HCN1: variants seen among roughly 807,000 people sequenced by gnomAD.
The protein encoded by HCN1 is hyperpolarization activated cyclic nucleotide gated potassium channel 1.
HCN1 carries 13 observed loss-of-function variants against 78.9 expected under a neutral mutation model. The ratio of observed to expected loss-of-function variants is 0.16; its 90% CI spans 0.11 to 0.26. HCN1 has a LOEUF of 0.26. Ranked by LOEUF, HCN1 falls within the 10% of genes least tolerant of loss-of-function variation. HCN1 has a pLI of 1.00. For missense variants in HCN1, 810 were observed against 1,154.3 expected, an observed-to-expected ratio of 0.70 and a Z score of 4.32; for synonymous variants, 552 against 455.5, an observed-to-expected ratio of 1.21 and a Z score of -2.70.
chr5:45,527,534 C>A (rs1043865724), intron 2 of HCN1, among the ~76,000 whole-genome samples: 2 of 151,568 alleles, frequency 1.3e-5, no homozygotes, highest in Admixed American at 6.6e-5. Context: ...CATTCTCATT[C>A]TCTCTCTCTT....
In HCN1 at chr5:45,690,910, C is replaced by A. The variant is rs189800451; in HGVS notation, c.425+4759G>T. 2.2e-4 allele frequency among the ~76,000 whole-genome samples: 34 copies of A among 152,006 alleles called. 1 individual carries two copies. In the East Asian group the frequency reaches 6.2e-3, roughly 28 times the overall value. On this transcript the variant is annotated intron_variant, in intron 1 of 7. Coordinates refer to ENST00000303230, the MANE Select transcript of HCN1 (RefSeq NM_021072.4). Reference sequence around the variant, plus strand: ...CTTTTCCGGAGCCCAATTGTTGTTTCTAAATAATGAAGTGAATTATCTGCT... The same window carrying A: ...CTTTTCCGGAGCCCAATTGTTGTTTATAAATAATGAAGTGAATTATCTGCT...
chr5:45,518,748 G>A lies in HCN1; in HGVS notation c.850-56741C>T, dbSNP rs374757236. The stretch of plus-strand genomic sequence containing the variant: ...AGAAAGAATACAGTTAGATAATGAA[G>A]TTCTTTCAGCCAGTAATTTGTTGAA... On this transcript the variant is annotated intron_variant, in intron 2 of 7. Coordinates refer to ENST00000303230, the MANE Select transcript of HCN1 (RefSeq NM_021072.4). 3.1e-4 allele frequency among the ~76,000 whole-genome samples: 47 copies of A among 152,002 alleles called. 1 individual carries two copies. In the East Asian group the frequency reaches 7.0e-3, roughly 23 times the overall value.
At chr5:45,331,320 C>A (rs966437637) in intron 5 of HCN1, among the ~76,000 whole-genome samples, 1 of 151,122 alleles carries the variant, frequency 6.6e-6, no homozygotes, top group Admixed American at 6.6e-5. Context: ...ATTTAATACA[C>A]CAACACAGCT....
intron 2 of HCN1, chr5:45,644,717 A>T (rs1745511403): frequency 6.3e-6 from 1 of 157,504 alleles, no homozygotes; most frequent in East Asian, 1.9e-4. Context: ...GGAAATAAAG[A>T]AACAATCTGT....
chr5:45,407,538 A>T (rs1403619384), intron 3 of HCN1, among the ~76,000 whole-genome samples: 1 of 152,004 alleles, frequency 6.6e-6, no homozygotes, highest in Non-Finnish European at 1.5e-5. Flanking sequence ...TTATTTTTTT[A>T]GACAGAGTCT....
chr5:45,584,771 T>C, intron 2 of HCN1, among the ~76,000 whole-genome samples: 1 of 152,188 alleles, frequency 6.6e-6, no homozygotes, highest in Non-Finnish European at 1.5e-5. Flanking sequence ...AAGGATTTTA[T>C]TTCTCCTTCA....
chr5:45,474,158 C>T (rs2071311582), intron 2 of HCN1, among the ~76,000 whole-genome samples: 1 of 151,800 alleles, frequency 6.6e-6, no homozygotes, highest in African/African-American at 2.4e-5. Flanking sequence ...CAAGGCACTC[C>T]ATAACCTTGA....
At chr5:45,401,528 C>A (rs760557725) in intron 3 of HCN1, among the ~76,000 whole-genome samples, 1 of 152,036 alleles carries the variant, frequency 6.6e-6, no homozygotes, top group Admixed American at 6.6e-5. Context: ...AGTTCCTTGG[C>A]AGCTGCTGGA....
intron 2 of HCN1, among the ~76,000 whole-genome samples, chr5:45,625,171 C>A (rs7720013): frequency 0.033 from 4,957 of 152,042 alleles, 265 homozygotes; most frequent in African/African-American, 0.11. Context: ...GGTATGGTGG[C>A]AGGCACCTGT....
At position 45,372,076 on chromosome 5, in the gene HCN1, A is replaced by ATG. The variant is rs1561127874; in HGVS notation, c.1231-18831_1231-18830insCA. 8.2e-4 allele frequency among the ~76,000 whole-genome samples: 50 copies of ATG among 61,260 alleles called. 1 individual carries two copies. Among genetic ancestry groups the ATG allele is most frequent in the African/African-American group, 3.7e-3 (49 of 13,194 alleles). 40.2% of individuals were successfully genotyped at this position (61,260 alleles called of 152,430 possible). On this transcript the variant is annotated intron_variant, in intron 4 of 7. Transcript: ENST00000303230. ...ATAATATAATTATATTATATATTATATATAATATAATTATATATATATTTT... is the reference window on the plus strand; with the variant it reads ...ATAATATAATTATATTATATATTATATGTATAATATAATTATATATATATTTT...
chr5:45,274,076 AAG>A (rs1371341758), intron 6 of HCN1, among the ~76,000 whole-genome samples: 2 of 152,146 alleles, frequency 1.3e-5, no homozygotes, highest in East Asian at 3.8e-4. Flanking sequence ...TCTTCTGAAA[AAG>A]AGATTGAATA....
intron 6 of HCN1, among the ~76,000 whole-genome samples, chr5:45,295,925 C>T (rs1340042149): frequency 6.6e-6 from 1 of 151,908 alleles, no homozygotes. Flanking sequence ...TAAATAAGTA[C>T]ATGTTATTAG....
At chr5:45,550,499 G>T (rs181643778) in intron 2 of HCN1, among the ~76,000 whole-genome samples, 1 of 152,108 alleles carries the variant, frequency 6.6e-6, no homozygotes, top group African/African-American at 2.4e-5. Flanking sequence ...CCTATTGTGG[G>T]GTTGGGGCAC....
rs1437918483 is a variant in HCN1 at position 45,411,285 on chromosome 5, G to C, written c.1012-14575C>G. Among the ~76,000 whole-genome samples, 4 of 151,816 alleles carry C rather than the reference G, an allele frequency of 2.6e-5. No individual in the cohort carries two copies. In the East Asian group the frequency reaches 7.7e-4, roughly 29 times the overall value. ...CAGATGTAGACTGATTTGGAAATCT[G>C]TTAGCAAACAAGCACAGAGAAAAGA... On this transcript the variant is annotated intron_variant, in intron 3 of 7. Coordinates refer to ENST00000303230, the MANE Select transcript of HCN1 (RefSeq NM_021072.4).
intron 4 of HCN1, among the ~76,000 whole-genome samples, chr5:45,375,094 T>C (rs1441053917): frequency 8.2e-6 from 1 of 121,574 alleles, no homozygotes; most frequent in Non-Finnish European, 1.7e-5. Flanking sequence ...TTATATATAA[T>C]ATAATATTTT....
At chr5:45,524,061 T>C (rs1742674453) in intron 2 of HCN1, among the ~76,000 whole-genome samples, 1 of 152,188 alleles carries the variant, frequency 6.6e-6, no homozygotes, top group African/African-American at 2.4e-5. Context: ...AGGGATCCAG[T>C]TTCAGCTTTC....
At chr5:45,324,192 A>G (rs911808002) in intron 5 of HCN1, among the ~76,000 whole-genome samples, 1 of 151,960 alleles carries the variant, frequency 6.6e-6, no homozygotes, top group African/African-American at 2.4e-5. Flanking sequence ...GCACAGCAAA[A>G]GAAACCACAA....
At chr5:45,485,929 C>T (rs1741752513) in intron 2 of HCN1, among the ~76,000 whole-genome samples, 1 of 152,124 alleles carries the variant, frequency 6.6e-6, no homozygotes, top group African/African-American at 2.4e-5. Flanking sequence ...TTAGGCCAAG[C>T]TAAGTGACAA....
intron 3 of HCN1, 80 bp from the exon 4 acceptor site, chr5:45,396,790 G>T (rs764017134): frequency 2.9e-6 from 3 of 1,050,234 alleles, no homozygotes; most frequent in Non-Finnish European, 4.5e-6. Flanking sequence ...GTACACAGAA[G>T]CATTATAAAA....
Sources: allele counts gnomAD v4.1 joint callset (sites outside exome capture counted in the v4.1 genomes callset), GRCh38; gene constraint gnomAD v4.1.1; transcripts MANE v1.5; gene names NCBI Gene and HGNC (gene_info 2026-07-23, HGNC 2026-07-21).